Variants in RING1 observed in about 807,000 individuals in gnomAD.
RING1 encodes the protein ring finger protein 1.
Under a neutral mutation model 35.0 loss-of-function variants are expected in RING1, and 8 were observed. That is an observed-to-expected ratio of 0.23 (90% CI 0.13 to 0.41). RING1 has a LOEUF of 0.41. Among genes scored for constraint, RING1 ranks in the 10% least tolerant of loss-of-function variants. The probability of loss-of-function intolerance (pLI) is 1.00; values close to 1 mark genes in which losing one functional copy is unlikely to be tolerated. For synonymous variants in RING1, 214 were observed against 224.3 expected (o/e 0.95, Z 0.41); for missense variants, 343 against 546.8 (o/e 0.63, Z 3.72).
In RING1 at chr6:33,208,777, TCTC is replaced by T. The variant is rs1337074997; in HGVS notation, c.-42_-40del. The T allele has an allele frequency of 2.7e-6, 4 of 1,493,800 alleles. No homozygotes were observed. Among genetic ancestry groups the T allele is most frequent in the Admixed American group, 4.3e-5 (2 of 46,864 alleles). 92.5% of individuals were successfully genotyped at this position (1,493,800 alleles called of 1,614,324 possible). A position where few individuals can be genotyped will look rare whatever the true frequency, so the allele number is the denominator to read the frequency against. On this transcript the variant is annotated 5_prime_UTR_variant, in exon 2 of 7. Transcript: ENST00000374656. This position sits in a 1 kb window ranked among gnomAD's most constrained non-coding sequence, Gnocchi z 6.2. ...CCCCCACCCCCAGCCTTCTTCGCCT[TCTC>T]CTCGGCTGTGGAGCCCTGGTGGGGG...
At position 33,208,686 on chromosome 6, in the gene RING1, G is replaced by A; in HGVS notation, c.-59+42G>A. On this transcript the variant is annotated intron_variant, in intron 1 of 6. Transcript: ENST00000374656. The surrounding 1 kb of genome is among the most constrained non-coding windows in gnomAD (Gnocchi z 6.2). ...GCGCGGGGGCGGGAGCGGGGGCGGA[G>A]AGGGGCGCTTCTGGAGGGGCGGGGT... The A allele has an allele frequency of 1.5e-6, 1 of 680,830 alleles. No homozygotes were observed. Among genetic ancestry groups the A allele is most frequent in the South Asian group, 2.0e-5 (1 of 50,204 alleles). 42.2% of individuals were successfully genotyped at this position (680,830 alleles called of 1,614,324 possible).
Position 33,211,116 on chromosome 6 carries a change from T to G in RING1, c.456-42T>G. The G allele has an allele frequency of 6.5e-7, 1 of 1,529,532 alleles. No homozygotes were observed. Among genetic ancestry groups the G allele is most frequent in the Non-Finnish European group, 8.8e-7 (1 of 1,137,636 alleles). The allele number at this position is 1,529,532 out of a possible 1,614,324, so 94.7% of individuals were successfully genotyped here. A position where few individuals can be genotyped will look rare whatever the true frequency, so the allele number is the denominator to read the frequency against. ...CTCTGAAGTTTAAAGTCTAAGCCCTTTATCCTGGATGCCTTCTAACCTTAA... is the reference window on the plus strand; with the variant it reads ...CTCTGAAGTTTAAAGTCTAAGCCCTGTATCCTGGATGCCTTCTAACCTTAA... On this transcript the variant is annotated intron_variant, in intron 4 of 6. Coordinates refer to ENST00000374656, the MANE Select transcript of RING1 (RefSeq NM_002931.4). The surrounding 1 kb of genome is among the most constrained non-coding windows in gnomAD (Gnocchi z 6.3).
chr6:33,208,788 G>T lies in RING1; in HGVS notation c.-35G>T. Reference sequence around the variant, plus strand: ...AGCCTTCTTCGCCTTCTCCTCGGCTGTGGAGCCCTGGTGGGGGGTCTGCGC... The same window carrying T: ...AGCCTTCTTCGCCTTCTCCTCGGCTTTGGAGCCCTGGTGGGGGGTCTGCGC... On this transcript the variant is annotated 5_prime_UTR_variant, in exon 2 of 7. Coordinates refer to ENST00000374656, the MANE Select transcript of RING1 (RefSeq NM_002931.4). The surrounding 1 kb of genome is among the most constrained non-coding windows in gnomAD (Gnocchi z 6.2). 16 of 1,561,866 alleles carry T rather than the reference G, an allele frequency of 1.0e-5. No individual in the cohort carries two copies. Among genetic ancestry groups the T allele is most frequent in the Non-Finnish European group, 1.4e-5 (16 of 1,149,974 alleles).
intron 6 of RING1, 111 bp from the exon 7 acceptor site, chr6:33,212,186 CT>C (rs1775594367): frequency 1.1e-6 from 1 of 917,658 alleles, no homozygotes; most frequent in Non-Finnish European, 1.7e-6. Context: ...TTTATTATTC[CT>C]TTTTTCTTTC....
chr6:33,208,870 G>C lies in RING1; in HGVS notation c.48G>C (p.Leu16=). Residue 16 remains leucine (L), a synonymous_variant, in exon 2 of 7, where the codon CTG becomes CTC. Coordinates refer to ENST00000374656, the MANE Select transcript of RING1 (RefSeq NM_002931.4). The surrounding 1 kb of genome is among the most constrained non-coding windows in gnomAD (Gnocchi z 6.2). ...AGAATGCCAGCAAAACGTGGGAACTGAGTCTGTATGAGCTGCACCGGACCC... is the reference window on the plus strand; with the variant it reads ...AGAATGCCAGCAAAACGTGGGAACTCAGTCTGTATGAGCTGCACCGGACCC... ...NAQNASKTWE[L]SLYELHRTPQ... 6.2e-7 allele frequency: 1 copy of C among 1,612,362 alleles called. No individual in the cohort carries two copies.
At position 33,211,856 on chromosome 6, in the gene RING1, G is replaced by C; in HGVS notation, c.973G>C (p.Asp325His). The C allele has an allele frequency of 1.2e-6, 2 of 1,611,062 alleles. No individual in the cohort carries two copies. Among genetic ancestry groups the C allele is most frequent in the Non-Finnish European group, 1.7e-6 (2 of 1,178,720 alleles). ...AGGAGGGCCTGGAGGGGGCGCCTCT[G>C]ACACCGGAGGACCTGATGGGTGTGG... The part of the protein sequence containing the change: ...EPGGPGGGAS[D>H]TGGPDGCGGE... The change falls in exon 6 of 7, where the codon GAC becomes CAC. Residue 325 changes from aspartate to histidine, a missense_variant. Physicochemically the swap from Asp to His is moderately conservative, Grantham distance 81 (BLOSUM62 -1). This residue lies in a region of RING1 where 278 missense variants were observed against 383.5 expected (regional missense o/e 0.72). Transcript: ENST00000374656. The surrounding 1 kb of genome is among the most constrained non-coding windows in gnomAD (Gnocchi z 6.3).
Position 33,212,489 on chromosome 6 carries a change from C to G in RING1, c.*90C>G. On this transcript the variant is annotated 3_prime_UTR_variant, in exon 7 of 7. Coordinates refer to ENST00000374656, the MANE Select transcript of RING1 (RefSeq NM_002931.4). ...CAGCTTCTTTGTCCCCCAGTACCCC[C>G]AGCCCAGCCAGCCAATAAGAGGACA... is the stretch of plus-strand genomic sequence containing the variant. The G allele has an allele frequency of 1.3e-6, 1 of 769,618 alleles. No homozygotes were observed. The highest frequency in any genetic ancestry group is 2.3e-5 in the Admixed American group (1 of 42,644). The allele number at this position is 769,618 out of a possible 1,614,324, so 47.7% of individuals were successfully genotyped here.
intron 4 of RING1, among the ~76,000 whole-genome samples, chr6:33,210,593 C>T (rs142965713): frequency 1.0e-3 from 156 of 149,710 alleles, no homozygotes; most frequent in Non-Finnish European, 1.8e-3. Flanking sequence ...GCCTGCTGGG[C>T]GACAGAACAA....
In RING1 at chr6:33,210,561, C is replaced by T. The variant is rs966512974; in HGVS notation, c.455+431C>T. The stretch of plus-strand genomic sequence containing the variant: ...TGGATGTTGCAGTGAACCATGATCA[C>T]ACCACTGCACACTGCACTCCAGCCT... On this transcript the variant is annotated intron_variant, in intron 4 of 6. Coordinates refer to ENST00000374656, the MANE Select transcript of RING1 (RefSeq NM_002931.4). Among the ~76,000 whole-genome samples, 4 of 151,620 alleles carry T rather than the reference C, an allele frequency of 2.6e-5. No individual in the cohort carries two copies. The East Asian group carries it at 7.7e-4, about 29-fold the overall frequency.
At chr6:33,212,071 A>G (rs74564669) in intron 6 of RING1, 69 bp downstream of exon 6, 29,579 of 1,268,758 alleles carry the variant, frequency 0.023, 492 homozygotes, top group African/African-American at 0.057. Flanking sequence ...ACATAGAACC[A>G]TGAGCCTGGT....
At position 33,211,408 on chromosome 6, in the gene RING1, G is replaced by A; in HGVS notation, c.706G>A (p.Gly236Arg). Reference protein sequence around the residue: ...GAGSEDSGDRGGTLGGGTLGP... With the variant: ...GAGSEDSGDRRGTLGGGTLGP... The stretch of plus-strand genomic sequence containing the variant: ...CGGTTCGGAAGACTCTGGTGACCGG[G>A]GAGGGACTCTGGGAGGGGGAACGCT... The change falls in exon 5 of 7, where the codon GGA becomes AGA. Residue 236 changes from glycine (G) to arginine (R), a missense_variant. Gly to Arg is a moderately radical substitution (Grantham distance 125). Coordinates refer to ENST00000374656, the MANE Select transcript of RING1 (RefSeq NM_002931.4). This position sits in a 1 kb window ranked among gnomAD's most constrained non-coding sequence, Gnocchi z 6.3. 1 of 1,563,908 alleles carries A rather than the reference G, an allele frequency of 6.4e-7. No individual in the cohort carries two copies. The highest frequency in any genetic ancestry group is 8.7e-7 in the Non-Finnish European group (1 of 1,154,974).
At position 33,212,146 on chromosome 6, in the gene RING1, A is replaced by G. The variant is rs531038847; in HGVS notation, c.1119+144A>G. The G allele has an allele frequency of 1.6e-5, 14 of 859,334 alleles. No individual in the cohort carries two copies. In the East Asian group the frequency reaches 2.9e-4, roughly 18 times the overall value. The allele number at this position is 859,334 out of a possible 1,614,324, so 53.2% of individuals were successfully genotyped here. On this transcript the variant is annotated intron_variant, in intron 6 of 6. Coordinates refer to ENST00000374656, the MANE Select transcript of RING1 (RefSeq NM_002931.4). Reference sequence around the variant, plus strand: ...CTTTCTATGTCCCCTCTCCTTTCCCATCATCCATGTCCTTTTTTGCCTTAT... The same window carrying G: ...CTTTCTATGTCCCCTCTCCTTTCCCGTCATCCATGTCCTTTTTTGCCTTAT...
Position 33,210,064 on chromosome 6 carries a change from G to T in RING1, c.389G>T (p.Arg130Leu). 6.2e-7 allele frequency: 1 copy of T among 1,614,178 alleles called. No individual in the cohort carries two copies. The highest frequency in any genetic ancestry group is 1.1e-5 in the South Asian group (1 of 91,084). ...GACCGAGTGCTTATCCGCCTGAGCC[G>T]CCTGCACAACCAGCAGGCATTGAGC... is the stretch of plus-strand genomic sequence containing the variant. Reference protein sequence around the residue: ...HQDRVLIRLSRLHNQQALSSS... With the variant: ...HQDRVLIRLSLLHNQQALSSS... The change falls in exon 4 of 7, where the codon CGC becomes CTC. Residue 130 changes from arginine to leucine, a missense_variant. Arg to Leu is a moderately radical substitution (Grantham distance 102). Around this residue, in one of 2 missense-constraint regions of RING1, gnomAD observed 278 missense variants for 383.5 expected, o/e 0.72. Coordinates refer to ENST00000374656, the MANE Select transcript of RING1 (RefSeq NM_002931.4).
In RING1 at chr6:33,212,314, T is replaced by C. The variant is rs1401137986; in HGVS notation, c.1136T>C (p.Leu379Pro). The C allele has an allele frequency of 6.3e-7, 1 of 1,588,444 alleles. No individual in the cohort carries two copies. The change falls in exon 7 of 7, where the codon CTG becomes CCG. Residue 379 changes from leucine to proline, a missense_variant. Leu to Pro is a moderately conservative substitution (Grantham distance 98). Coordinates refer to ENST00000374656, the MANE Select transcript of RING1 (RefSeq NM_002931.4). The part of the protein sequence containing the change: ...GGAFTTLNGS[L>P]TLELVNEKFW... ...CCTCCTCAGACGTTGAATGGCTCGC[T>C]GACCCTGGAGCTGGTGAATGAGAAA...
chr6:33,211,424 G>C lies in RING1; in HGVS notation c.722G>C (p.Gly241Ala), dbSNP rs765666813. Reference protein sequence around the residue: ...DSGDRGGTLGGGTLGPPSPPG... With the variant: ...DSGDRGGTLGAGTLGPPSPPG... ...GGTGACCGGGGAGGGACTCTGGGAGGGGGAACGCTGGGCCCCCCAAGCCCT... is the reference window on the plus strand; with the variant it reads ...GGTGACCGGGGAGGGACTCTGGGAGCGGGAACGCTGGGCCCCCCAAGCCCT... The change falls in exon 5 of 7, where the codon GGG becomes GCG. Residue 241 changes from glycine to alanine, a missense_variant. Physicochemically the swap from Gly to Ala is moderately conservative, Grantham distance 60. Transcript: ENST00000374656. This position sits in a 1 kb window ranked among gnomAD's most constrained non-coding sequence, Gnocchi z 6.3. 2.5e-6 allele frequency: 4 copies of C among 1,570,162 alleles called. No homozygotes were observed. Among genetic ancestry groups the C allele is most frequent in the South Asian group, 1.1e-5 (1 of 87,330 alleles).
At chr6:33,212,182 A>C in intron 6 of RING1, 116 bp from the exon 7 acceptor site, 1 of 901,224 alleles carries the variant, frequency 1.1e-6, no homozygotes, top group Middle Eastern at 2.2e-4. Flanking sequence ...CGCTTTTATT[A>C]TTCCTTTTTT....
In RING1 at chr6:33,212,175, T is replaced by A; in HGVS notation, c.1120-123T>A. Reference sequence around the variant, plus strand: ...TCCATGTCCTTTTTTGCCTTATCGCTTTTATTATTCCTTTTTTCTTTCCTC... The same window carrying A: ...TCCATGTCCTTTTTTGCCTTATCGCATTTATTATTCCTTTTTTCTTTCCTC... On this transcript the variant is annotated intron_variant, in intron 6 of 6. Coordinates refer to ENST00000374656, the MANE Select transcript of RING1 (RefSeq NM_002931.4). The A allele has an allele frequency of 4.4e-6, 4 of 899,362 alleles. No homozygotes were observed. The South Asian group carries it at 6.4e-5, about 14-fold the overall frequency. 55.7% of individuals were successfully genotyped at this position (899,362 alleles called of 1,614,324 possible).
chr6:33,208,726 GC>G lies in RING1; in HGVS notation c.-58-33del. 1.0e-6 allele frequency: 1 copy of G among 982,886 alleles called. No homozygotes were observed. Among genetic ancestry groups the G allele is most frequent in the Non-Finnish European group, 1.5e-6 (1 of 686,766 alleles). The allele number at this position is 982,886 out of a possible 1,614,324, so 60.9% of individuals were successfully genotyped here. ...AGGGGCGGGGTCTACGCGAGGGGCG[GC>G]CCCCCTGACGCCCTCCTCCCCTTCC... is the stretch of plus-strand genomic sequence containing the variant. On this transcript the variant is annotated intron_variant, in intron 1 of 6. Coordinates refer to ENST00000374656, the MANE Select transcript of RING1 (RefSeq NM_002931.4). This position sits in a 1 kb window ranked among gnomAD's most constrained non-coding sequence, Gnocchi z 6.2.
intron 6 of RING1, 146 bp from the exon 7 acceptor site, chr6:33,212,152 C>T: frequency 1.2e-6 from 1 of 867,228 alleles, no homozygotes; most frequent in African/African-American, 1.7e-5. Context: ...TCCCATCATC[C>T]ATGTCCTTTT....
Sources: gnomAD v4.1 joint callset for allele counts (sites outside exome capture counted in the v4.1 genomes callset) on GRCh38, gnomAD v4.1.1 for gene constraint, gnomAD v4.1.1 regional missense constraint, Gnocchi (gnomAD v3.1) non-coding constraint, MANE v1.5 for transcripts, NCBI Gene and HGNC (gene_info 2026-07-23, HGNC 2026-07-21) for gene names.